The following COP1 variants were observed in gnomAD, a reference collection of about 807,000 sequenced individuals.
COP1 encodes the protein COP1 E3 ubiquitin ligase.
Under a neutral mutation model 101.3 loss-of-function variants are expected in COP1, and 24 were observed. That is an observed-to-expected ratio of 0.24 (90% confidence interval 0.17 to 0.33). COP1 has a LOEUF of 0.33. COP1 is among the 10% of genes least tolerant of loss of function. The pLI, the probability that COP1 is intolerant of heterozygous loss-of-function variation, is 1.00. For synonymous variants in COP1, 347 were observed against 341.9 expected (o/e 1.01, Z -0.17); for missense variants, 663 against 906.2 (o/e 0.73, Z 3.45).
intron 9 of COP1, 128 bp from the exon 10 acceptor site, chr1:176,086,018 C>T (rs1572142921): frequency 2.1e-6 from 1 of 483,332 alleles, no homozygotes; most frequent in East Asian, 2.9e-5. Context: ...TAGTAAAAAA[C>T]TGTAATTCTG....
At chr1:175,995,902 C>G (rs1660022711) in intron 15 of COP1, among the ~76,000 whole-genome samples, 1 of 152,090 alleles carries the variant, frequency 6.6e-6, no homozygotes, top group African/African-American at 2.4e-5. Flanking sequence ...TTTTATGAGG[C>G]CAGCATCATC....
chr1:176,000,507 C>T (rs1661342376), intron 15 of COP1, among the ~76,000 whole-genome samples: 1 of 151,964 alleles, frequency 6.6e-6, no homozygotes, highest in Admixed American at 6.6e-5. Flanking sequence ...GTTATAATGG[C>T]TATGACAACA....
chr1:176,144,323 C>T (rs1691233426), intron 6 of COP1, among the ~76,000 whole-genome samples: 1 of 151,910 alleles, frequency 6.6e-6, no homozygotes, highest in Non-Finnish European at 1.5e-5. Flanking sequence ...TAATAAGAAA[C>T]TAAAGTTAGA....
chr1:176,159,210 A>G (rs1410245230), intron 5 of COP1, among the ~76,000 whole-genome samples: 3 of 152,224 alleles, frequency 2.0e-5, no homozygotes, highest in Non-Finnish European at 4.4e-5. Flanking sequence ...ACAAATCAGT[A>G]AGAGAAAAGA....
intron 11 of COP1, among the ~76,000 whole-genome samples, chr1:176,047,828 A>G (rs564733348): frequency 1.3e-5 from 2 of 152,288 alleles, no homozygotes; most frequent in South Asian, 4.1e-4. Flanking sequence ...CAATCCCAGC[A>G]CTCTGAGAGA....
chr1:175,996,882 G>C (rs1225688790), intron 15 of COP1, among the ~76,000 whole-genome samples: 3 of 151,990 alleles, frequency 2.0e-5, no homozygotes, highest in Non-Finnish European at 4.4e-5. Flanking sequence ...TTTCTTCACA[G>C]AATTGGAAAA....
intron 15 of COP1, among the ~76,000 whole-genome samples, chr1:176,020,078 C>A (rs1666480150): frequency 6.6e-6 from 1 of 151,408 alleles, no homozygotes; most frequent in South Asian, 2.1e-4. Flanking sequence ...ATAATCCCAG[C>A]ACTTTGGGCA....
At chr1:176,084,314 C>T (rs1050325479) in intron 10 of COP1, among the ~76,000 whole-genome samples, 7 of 152,006 alleles carry the variant, frequency 4.6e-5, no homozygotes, top group Admixed American at 2.0e-4. Flanking sequence ...AAAATAATTA[C>T]CAAATAGAAA....
chr1:176,172,827 A>G (rs1696287679), intron 3 of COP1, among the ~76,000 whole-genome samples: 1 of 152,354 alleles, frequency 6.6e-6, no homozygotes, highest in East Asian at 1.9e-4. Context: ...AACAGGAGAC[A>G]GTCTCTACAC....
At chr1:176,042,068 C>A (rs1042252577) in intron 14 of COP1, among the ~76,000 whole-genome samples, 2 of 151,860 alleles carry the variant, frequency 1.3e-5, no homozygotes, top group African/African-American at 4.8e-5. Context: ...GCGGAGATTG[C>A]CCCACTGTAC....
intron 1 of COP1, among the ~76,000 whole-genome samples, chr1:176,199,170 A>G (rs187829361): frequency 6.6e-6 from 1 of 152,234 alleles, no homozygotes; most frequent in Non-Finnish European, 1.5e-5. Context: ...ACAAAAAATT[A>G]GCTTGGCATG....
intron 9 of COP1, among the ~76,000 whole-genome samples, chr1:176,099,618 A>G (rs988895345): frequency 6.6e-6 from 1 of 152,112 alleles, no homozygotes; most frequent in African/African-American, 2.4e-5. Flanking sequence ...CATCAGTGCA[A>G]TAAGAATCCA....
At chr1:176,113,756 TTAAA>T (rs1685692725) in intron 9 of COP1, among the ~76,000 whole-genome samples, 1 of 152,142 alleles carries the variant, frequency 6.6e-6, no homozygotes, top group Non-Finnish European at 1.5e-5. Flanking sequence ...AAGGCACTTG[TTAAA>T]TAATTTGTGG....
chr1:175,965,201 A>T (rs1651857542), intron 18 of COP1, among the ~76,000 whole-genome samples: 1 of 152,154 alleles, frequency 6.6e-6, no homozygotes, highest in African/African-American at 2.4e-5. Flanking sequence ...CTCTGTGTAT[A>T]GTCAAATCTG....
In COP1 at chr1:176,010,948, T is replaced by C. The variant is rs189039749; in HGVS notation, c.1729+16624A>G. Among the ~76,000 whole-genome samples the C allele has an allele frequency of 6.2e-4, 94 of 152,320 alleles. No homozygotes were observed. The East Asian group carries it at 7.1e-3, about 12-fold the overall frequency. On this transcript the variant is annotated intron_variant, in intron 15 of 19. Transcript: ENST00000367669. ...TATATTAACATTTCCTCAGTGGTGG[T>C]AGGAGCCTGAGGACAGATTAAAGTA... is the stretch of plus-strand genomic sequence containing the variant.
At position 176,000,753 on chromosome 1, in the gene COP1, C is replaced by A. The variant is rs138544614; in HGVS notation, c.1730-11274G>T. Among the ~76,000 whole-genome samples, 513 of 151,592 alleles carry A rather than the reference C, an allele frequency of 3.4e-3. 5 individuals are homozygous for A. Among genetic ancestry groups the A allele is most frequent in the Non-Finnish European group, 5.8e-3 (396 of 67,822 alleles). On this transcript the variant is annotated intron_variant, in intron 15 of 19. Transcript: ENST00000367669. ...GCTTTTTTTTTTGTTATGTCATTTG[C>A]TCTTTTATGCCTCCATTATTACCTT...
intron 15 of COP1, among the ~76,000 whole-genome samples, chr1:176,019,153 G>T (rs562008795): frequency 7.1e-6 from 1 of 141,230 alleles, no homozygotes; most frequent in East Asian, 2.2e-4. Context: ...GCAACAGAGC[G>T]AGAATAGACT....
chr1:176,007,260 T>A (rs374790338), intron 15 of COP1, among the ~76,000 whole-genome samples: 12 of 152,078 alleles, frequency 7.9e-5, no homozygotes, highest in African/African-American at 1.9e-4. Flanking sequence ...TTTTTTTCAA[T>A]GTTTTCAACT....
At chr1:175,971,102 G>GA (rs1360353515) in intron 18 of COP1, among the ~76,000 whole-genome samples, 2 of 152,204 alleles carry the variant, frequency 1.3e-5, no homozygotes, top group Non-Finnish European at 2.9e-5. Context: ...TAATTAGATG[G>GA]AAAATAAAGA....
Sources: gnomAD v4.1 joint callset for allele counts (sites outside exome capture counted in the v4.1 genomes callset) on GRCh38, gnomAD v4.1.1 for gene constraint, MANE v1.5 for transcripts, NCBI Gene and HGNC (gene_info 2026-07-23, HGNC 2026-07-21) for gene names.